Variants in MAP2K1 observed in about 807,000 individuals in gnomAD.
MAP2K1 encodes dual specificity mitogen-activated protein kinase kinase 1.
MAP2K1 carries 16 observed loss-of-function variants against 46.3 expected under a neutral mutation model. That is an observed-to-expected ratio of 0.35 (90% CI 0.23 to 0.52). The LOEUF is 0.52. MAP2K1 is among the 20% of genes least tolerant of loss of function. MAP2K1 has a pLI of 0.94. For missense variants in MAP2K1, 263 were observed against 497.1 expected (o/e 0.53, Z 4.48); for synonymous variants, 183 against 185.6 (o/e 0.99, Z 0.11).
chr15:66,464,050 T>C (rs1041060097), intron 5 of MAP2K1, among the ~76,000 whole-genome samples: 5 of 152,264 alleles, frequency 3.3e-5, no homozygotes, highest in Non-Finnish European at 7.3e-5. Context: ...GACTTTTCCC[T>C]TTAGCTTAGT....
chr15:66,426,940 A>G (rs749758732), intron 1 of MAP2K1, among the ~76,000 whole-genome samples: 8 of 152,190 alleles, frequency 5.3e-5, no homozygotes, highest in Non-Finnish European at 1.2e-4. Context: ...CTCGTGTTAT[A>G]TGGTTTGAAG....
intron 3 of MAP2K1, among the ~76,000 whole-genome samples, chr15:66,438,144 TG>T (rs1280952956): frequency 5.9e-5 from 9 of 151,750 alleles, no homozygotes; most frequent in Non-Finnish European, 2.9e-5. Context: ...TGGAGTGCAG[TG>T]GCGCGATGTC....
chr15:66,439,494 C>G (rs988649028), intron 3 of MAP2K1, among the ~76,000 whole-genome samples: 1 of 151,966 alleles, frequency 6.6e-6, no homozygotes, highest in African/African-American at 2.4e-5. Context: ...TGGCCAGACA[C>G]GGTAGCTCAC....
intron 1 of MAP2K1, among the ~76,000 whole-genome samples, chr15:66,411,383 T>A (rs1001540587): frequency 2.6e-5 from 4 of 152,196 alleles, no homozygotes; most frequent in African/African-American, 9.7e-5. Context: ...AAGTAGCTTC[T>A]TAGGCAGGAT....
intron 9 of MAP2K1, 145 bp from the exon 10 acceptor site, chr15:66,489,573 T>C (rs1383072725): frequency 6.4e-6 from 5 of 784,424 alleles, no homozygotes; most frequent in African/African-American, 1.7e-5. Context: ...ACTGTGGGCA[T>C]GATACTGTGC....
Position 66,404,574 on chromosome 15 carries a change from A to T in MAP2K1, c.80+17147A>T, listed in dbSNP as rs543281453. On this transcript the variant is annotated intron_variant, in intron 1 of 10. Coordinates refer to ENST00000307102, the MANE Select transcript of MAP2K1 (RefSeq NM_002755.4). ...GTTCTAAATCACTGAATAATTTTTT[A>T]AAAAAGTAGTTCTAAAGCATTTCCA... 2.8e-3 allele frequency among the ~76,000 whole-genome samples: 427 copies of T among 152,300 alleles called. 4 individuals are homozygous for T. The highest frequency in any genetic ancestry group is 1.0e-2 in the African/African-American group (415 of 41,554).
chr15:66,423,668 C>T (rs1427034884), intron 1 of MAP2K1, among the ~76,000 whole-genome samples: 2 of 132,040 alleles, frequency 1.5e-5, no homozygotes, highest in Admixed American at 8.9e-5. Context: ...AGTGCAATGG[C>T]GCAATCTCGG....
At chr15:66,460,243 C>G (rs979417340) in intron 5 of MAP2K1, among the ~76,000 whole-genome samples, 3 of 152,136 alleles carry the variant, frequency 2.0e-5, no homozygotes, top group Non-Finnish European at 2.9e-5. Context: ...ATGTGAGTCT[C>G]GTTTTATCTA....
chr15:66,481,889 G>A lies in MAP2K1; in HGVS notation c.693+10G>A, dbSNP rs377034924. 26 of 1,613,142 alleles carry A rather than the reference G, an allele frequency of 1.6e-5. No individual in the cohort carries two copies. The highest frequency in any genetic ancestry group is 2.0e-5 in the Non-Finnish European group (23 of 1,179,422). ...AAGGTCCTACATGTCGGTATGAACAGAAGTTTCCATTGCTTGAGCTTCTTG... is the reference window on the plus strand; with the variant it reads ...AAGGTCCTACATGTCGGTATGAACAAAAGTTTCCATTGCTTGAGCTTCTTG... On this transcript the variant is annotated intron_variant, in intron 6 of 10. Transcript: ENST00000307102.
At chr15:66,416,513 TA>T (rs2093425015) in intron 1 of MAP2K1, among the ~76,000 whole-genome samples, 1 of 152,214 alleles carries the variant, frequency 6.6e-6, no homozygotes, top group African/African-American at 2.4e-5. Flanking sequence ...GCTGTAGGCA[TA>T]AATGGATGTA....
chr15:66,427,862 A>C (rs967761342), intron 1 of MAP2K1, among the ~76,000 whole-genome samples: 1 of 151,708 alleles, frequency 6.6e-6, no homozygotes, highest in African/African-American at 2.4e-5. Context: ...AAAAATACAA[A>C]AATTAGCCGG....
intron 1 of MAP2K1, among the ~76,000 whole-genome samples, chr15:66,412,111 G>A (rs2053005): frequency 0.066 from 10,058 of 152,320 alleles, 455 homozygotes; most frequent in Middle Eastern, 0.11. Context: ...CCAGTAATGT[G>A]TATGTGAAAT....
intron 5 of MAP2K1, chr15:66,453,443 G>T (rs1004039497): frequency 7.1e-6 from 5 of 701,616 alleles, no homozygotes; most frequent in Non-Finnish European, 1.3e-5. Flanking sequence ...TCAGACTCCT[G>T]TTGTTTACAA....
intron 5 of MAP2K1, among the ~76,000 whole-genome samples, chr15:66,468,103 T>C (rs1892511423): frequency 6.6e-6 from 1 of 152,248 alleles, no homozygotes; most frequent in Non-Finnish European, 1.5e-5. Flanking sequence ...GACTAGTCTT[T>C]CATTTTCTGA....
intron 1 of MAP2K1, among the ~76,000 whole-genome samples, chr15:66,409,117 T>A (rs1281818725): frequency 6.6e-6 from 1 of 152,184 alleles, no homozygotes; most frequent in East Asian, 1.9e-4. Flanking sequence ...TCATTGTTCA[T>A]ACATCCATTT....
In MAP2K1 at chr15:66,468,734, C is replaced by A. The variant is rs1302770361; in HGVS notation, c.569-13021C>A. ...GATCACGAGGTCAGGAGTTCAAGAC[C>A]AGCCTGGCCAACATGGTGAAACCCC... On this transcript the variant is annotated intron_variant, in intron 5 of 10. Transcript: ENST00000307102. 3.3e-5 allele frequency among the ~76,000 whole-genome samples: 5 copies of A among 152,088 alleles called. No homozygotes were observed. In the East Asian group the frequency reaches 7.7e-4, roughly 23 times the overall value.
chr15:66,392,255 G>GTTTTTTTTTTTTTTTTTTTTTTT (rs58831070), intron 1 of MAP2K1, among the ~76,000 whole-genome samples: 8 of 97,766 alleles, frequency 8.2e-5, no homozygotes, highest in African/African-American at 3.2e-4. Context: ...TTTTTTTTGG[G>GTTTTTTTTTTTTTTTTTTTTTTT]TTTTTTTTTT....
At chr15:66,430,305 C>A (rs1226307073) in intron 1 of MAP2K1, among the ~76,000 whole-genome samples, 1 of 152,242 alleles carries the variant, frequency 6.6e-6, no homozygotes, top group South Asian at 2.1e-4. Flanking sequence ...GGTAAGAACA[C>A]CCACCTGCAC....
chr15:66,417,566 C>T lies in MAP2K1; in HGVS notation c.81-17461C>T, dbSNP rs541490254. Among the ~76,000 whole-genome samples, 13 of 152,190 alleles carry T rather than the reference C, an allele frequency of 8.5e-5. No individual in the cohort carries two copies. The South Asian group carries it at 1.2e-3, about 15-fold the overall frequency. On this transcript the variant is annotated intron_variant, in intron 1 of 10. Coordinates refer to ENST00000307102, the MANE Select transcript of MAP2K1 (RefSeq NM_002755.4). ...CCCCAGTCTGCGCAACAAAATGAGA[C>T]CCTGTCTCAAAAAAACAAAAAACCT...
Sources: allele counts gnomAD v4.1 joint callset (sites outside exome capture counted in the v4.1 genomes callset), GRCh38; gene constraint gnomAD v4.1.1; transcripts MANE v1.5; gene names NCBI Gene and HGNC (gene_info 2026-07-23, HGNC 2026-07-21).